CYFIP1: variants seen among roughly 807,000 people sequenced by gnomAD.
CYFIP1 encodes cytoplasmic FMR1-interacting protein 1.
CYFIP1 carries 58 observed loss-of-function variants against 163.5 expected under a neutral mutation model. The ratio of observed to expected loss-of-function variants is 0.35; its 90% CI spans 0.29 to 0.44. The LOEUF (loss-of-function observed/expected upper bound fraction) is 0.44. CYFIP1 is among the 20% of genes least tolerant of loss of function. CYFIP1 has a pLI of 1.00. For synonymous variants in CYFIP1, 663 were observed against 660.7 expected (o/e 1.00, Z -0.05); for missense variants, 1,338 against 1,653.8 (o/e 0.81, Z 3.31).
chr15:22,872,898 G>A lies in CYFIP1; in HGVS notation c.3524C>T (p.Ala1175Val). ...IVLLGQQRRFAVLDFCYHLLK... is the reference protein window; with the variant it reads ...IVLLGQQRRFVVLDFCYHLLK... The stretch of plus-strand genomic sequence containing the variant: ...TAGATGGTAGCAGAAATCCAGCACA[G>A]CAAAACGCCGCTGCTGCCCAAGAAG... Residue 1175 changes from alanine (A) to valine (V), a missense_variant, in exon 30 of 31, where the codon GCT (alanine) becomes GTT (valine). Coordinates refer to ENST00000617928, the MANE Select transcript of CYFIP1 (RefSeq NM_014608.6). The A allele has an allele frequency of 1.9e-6, 3 of 1,614,134 alleles. No homozygotes were observed. The highest frequency in any genetic ancestry group is 2.5e-6 in the Non-Finnish European group (3 of 1,179,972).
At chr15:22,926,510 A>G (rs1170530328) in intron 12 of CYFIP1, among the ~76,000 whole-genome samples, 6 of 152,212 alleles carry the variant, frequency 3.9e-5, no homozygotes, top group Non-Finnish European at 2.9e-5. Flanking sequence ...CATCTCTACA[A>G]AAAATAAAAT....
rs2060707542 is a variant in CYFIP1 at position 22,909,447 on chromosome 15, TCTC to T, written c.2269-137_2269-135del. Reference sequence around the variant, plus strand: ...CCTTTACAACCACGTTCAAGACCCATCTCCCCACATACATGGCAGCCTGTGTGT... The same window carrying T: ...CCTTTACAACCACGTTCAAGACCCATCCCACATACATGGCAGCCTGTGTGT... On this transcript the variant is annotated intron_variant, in intron 20 of 30. Coordinates refer to ENST00000617928, the MANE Select transcript of CYFIP1 (RefSeq NM_014608.6). 2.1e-5 allele frequency: 21 copies of T among 1,012,182 alleles called. No individual in the cohort carries two copies. The African/African-American group carries it at 3.4e-4, about 16-fold the overall frequency. The allele number at this position is 1,012,182 out of a possible 1,614,324, so 62.7% of individuals were successfully genotyped here. A position where few individuals can be genotyped will look rare whatever the true frequency, so the allele number is the denominator to read the frequency against.
At chr15:22,875,412 G>C (rs1406735225) in intron 26 of CYFIP1, 141 bp from the exon 27 acceptor site, 1 of 772,264 alleles carries the variant, frequency 1.3e-6, no homozygotes, top group Non-Finnish European at 2.2e-6. Flanking sequence ...GAGATTTCTG[G>C]GATGATGGAA....
At chr15:22,968,009 G>A (rs865820104) in intron 1 of CYFIP1, among the ~76,000 whole-genome samples, 45 of 152,106 alleles carry the variant, frequency 3.0e-4, no homozygotes, top group Middle Eastern at 3.4e-3. Context: ...GGTGGCACAC[G>A]CCTGTAATCC....
At chr15:22,941,023 G>GT (rs1440649941) in intron 6 of CYFIP1, among the ~76,000 whole-genome samples, 1 of 152,144 alleles carries the variant, frequency 6.6e-6, no homozygotes, top group Non-Finnish European at 1.5e-5. Context: ...GCCTGGGCCA[G>GT]TGAGACTCTG....
Position 22,933,822 on chromosome 15 carries a change from G to C in CYFIP1, c.972C>G (p.His324Gln). Reference sequence around the variant, plus strand: ...CCTACCGAGATTTATTTTCCTCGTAGTGGGCGCTGGTCTTGATATATCTTG... The same window carrying C: ...CCTACCGAGATTTATTTTCCTCGTACTGGGCGCTGGTCTTGATATATCTTG... The part of the protein sequence containing the change: ...ELARYIKTSA[H>Q]YEENKSRWTC... The change falls in exon 10 of 31, where the codon CAC becomes CAG. Residue 324 changes from histidine (H) to glutamine (Q), a missense_variant. Physicochemically the swap from His to Gln is conservative, Grantham distance 24. Coordinates refer to ENST00000617928, the MANE Select transcript of CYFIP1 (RefSeq NM_014608.6). 1 of 1,613,062 alleles carries C rather than the reference G, an allele frequency of 6.2e-7. No individual in the cohort carries two copies. Among genetic ancestry groups the C allele is most frequent in the Non-Finnish European group, 8.5e-7 (1 of 1,179,608 alleles).
At position 22,976,219 on chromosome 15, in the gene CYFIP1, G is replaced by A. The variant is rs866532849; in HGVS notation, c.-7+4068C>T. Among the ~76,000 whole-genome samples, 9 of 151,730 alleles carry A rather than the reference G, an allele frequency of 5.9e-5. No homozygotes were observed. The East Asian group carries it at 1.4e-3, about 23-fold the overall frequency. On this transcript the variant is annotated intron_variant, in intron 1 of 30. Transcript: ENST00000617928. ...GTTGCCCAGGCTGGACTGCAGTGGC[G>A]CGATCTCGGCTCACCACAACCTCCG... is the stretch of plus-strand genomic sequence containing the variant.
In CYFIP1 at chr15:22,867,077, G is replaced by C. The variant is rs1485495708; in HGVS notation, c.*2951C>G. 2.0e-6 allele frequency: 1 copy of C among 504,410 alleles called. No homozygotes were observed. The highest frequency in any genetic ancestry group is 3.4e-6 in the Non-Finnish European group (1 of 290,276). 31.2% of individuals were successfully genotyped at this position (504,410 alleles called of 1,614,324 possible). Reference sequence around the variant, plus strand: ...TTTCTATTAACATTTTATTGTTGTAGAAGTATTTTACATTTTCATCCCTTC... The same window carrying C: ...TTTCTATTAACATTTTATTGTTGTACAAGTATTTTACATTTTCATCCCTTC... On this transcript the variant is annotated 3_prime_UTR_variant, in exon 31 of 31. Coordinates refer to ENST00000617928, the MANE Select transcript of CYFIP1 (RefSeq NM_014608.6).
At chr15:22,938,975 T>C (rs2061806020) in intron 8 of CYFIP1, among the ~76,000 whole-genome samples, 2 of 146,272 alleles carry the variant, frequency 1.4e-5, no homozygotes, top group African/African-American at 2.5e-5. Context: ...CCGGACCTCC[T>C]GGCCAGCACC....
intron 11 of CYFIP1, among the ~76,000 whole-genome samples, chr15:22,930,388 C>CCAAAGAAAAAA (rs2061498704): frequency 1.7e-5 from 1 of 57,566 alleles, no homozygotes; most frequent in African/African-American, 4.6e-5. Context: ...TCCGTCTCAC[C>CCAAAGAAAAAA]CAAAAAAAAA....
chr15:22,898,655 C>G (rs979934626), intron 22 of CYFIP1, among the ~76,000 whole-genome samples: 5 of 152,036 alleles, frequency 3.3e-5, no homozygotes, highest in Non-Finnish European at 7.4e-5. Context: ...CCCATGTCAG[C>G]CTTCCAAGTA....
intron 22 of CYFIP1, among the ~76,000 whole-genome samples, chr15:22,894,221 T>TC (rs1778829159): frequency 6.8e-6 from 1 of 147,708 alleles, no homozygotes; most frequent in South Asian, 2.1e-4. Context: ...AGAGTAAAAA[T>TC]CCATGCAGGG....
At chr15:22,903,522 A>C (rs1433740960) in intron 22 of CYFIP1, among the ~76,000 whole-genome samples, 184 bp downstream of exon 22, 1 of 152,156 alleles carries the variant, frequency 6.6e-6, no homozygotes, top group African/African-American at 2.4e-5. Context: ...CATCCACCCG[A>C]GGGTAGACCC....
rs1406535928 is a variant in CYFIP1 at position 22,870,142 on chromosome 15, A to G, written c.3648T>C (p.Asp1216=). 1 of 1,605,890 alleles carries G rather than the reference A, an allele frequency of 6.2e-7. No homozygotes were observed. The highest frequency in any genetic ancestry group is 1.7e-5 in the Admixed American group (1 of 59,676). ...ACTTATCCAGGATGGTGATGATCTC[A>G]TCATTGAGAATCTGGAACTTGCGAA... is the stretch of plus-strand genomic sequence containing the variant. The part of the protein sequence containing the change: ...ERIRKFQILN[D]EIITILDKYL... The change falls in exon 31 of 31, where the codon GAT becomes GAC. Residue 1216 remains aspartate (D), a synonymous_variant. Coordinates refer to ENST00000617928, the MANE Select transcript of CYFIP1 (RefSeq NM_014608.6).
chr15:22,952,345 G>A (rs1473665569), intron 1 of CYFIP1, among the ~76,000 whole-genome samples: 2 of 152,020 alleles, frequency 1.3e-5, no homozygotes, highest in African/African-American at 2.4e-5. Context: ...TAACGCCACT[G>A]AGCTGTACAC....
At position 22,917,871 on chromosome 15, in the gene CYFIP1, G is replaced by A. The variant is rs772517824; in HGVS notation, c.1591C>T (p.Pro531Ser). 1 of 1,613,910 alleles carries A rather than the reference G, an allele frequency of 6.2e-7. No homozygotes were observed. Among genetic ancestry groups the A allele is most frequent in the South Asian group, 1.1e-5 (1 of 91,072 alleles). Residue 531 changes from proline to serine, a missense_variant, in exon 15 of 31, where the codon CCA (proline) becomes TCA (serine). Transcript: ENST00000617928. The surrounding 1 kb of genome is among the most constrained non-coding windows in gnomAD (Gnocchi z 4.2). ...WETGHEPFNDPALRGEKDPKS... is the reference protein window; with the variant it reads ...WETGHEPFNDSALRGEKDPKS... The stretch of plus-strand genomic sequence containing the variant: ...GGGTCCTTCTCGCCCCGCAAGGCTG[G>A]GTCATTGAAGGGCTCATGCCCCGTC...
intron 13 of CYFIP1, among the ~76,000 whole-genome samples, chr15:22,921,361 C>G (rs1393330521): frequency 6.8e-6 from 1 of 146,662 alleles, no homozygotes; most frequent in East Asian, 1.9e-4. Context: ...CAGCGAGACT[C>G]TGTCTCAAAA....
chr15:22,924,162 G>A (rs1333307365), intron 13 of CYFIP1, among the ~76,000 whole-genome samples: 3 of 152,082 alleles, frequency 2.0e-5, no homozygotes, highest in South Asian at 2.1e-4. Flanking sequence ...GGTAGCTCAC[G>A]CCTGTAATCC....
chr15:22,915,017 G>C, intron 16 of CYFIP1, 135 bp from the exon 17 acceptor site: 1 of 885,928 alleles, frequency 1.1e-6, no homozygotes, highest in Non-Finnish European at 1.6e-6. Flanking sequence ...GGACATGAGT[G>C]GGGAGGGGTC....
Sources: allele counts gnomAD v4.1 joint callset (sites outside exome capture counted in the v4.1 genomes callset), GRCh38; gene constraint gnomAD v4.1.1; non-coding constraint Gnocchi (gnomAD v3.1); transcripts MANE v1.5; gene names NCBI Gene and HGNC (gene_info 2026-07-23, HGNC 2026-07-21).